FAM227B: variants seen among roughly 807,000 people sequenced by gnomAD.
FAM227B encodes the protein protein FAM227B.
FAM227B carries 88 observed loss-of-function variants against 73.8 expected under a neutral mutation model. The ratio of observed to expected loss-of-function variants is 1.19; its 90% CI spans 1.00 to 1.42. FAM227B has a LOEUF of 1.42. FAM227B is among the 40% of genes most tolerant of loss of function. FAM227B has a pLI of 0.00. For synonymous variants in FAM227B, 210 were observed against 190.5 expected (o/e 1.10, Z -0.84); for missense variants, 632 against 590.9 (o/e 1.07, Z -0.72).
At chr15:49,414,079 T>C (rs978521755) in intron 11 of FAM227B, among the ~76,000 whole-genome samples, 3 of 152,066 alleles carry the variant, frequency 2.0e-5, no homozygotes, top group African/African-American at 7.2e-5. Flanking sequence ...AAGCTCTAAG[T>C]CAGGGACCTT....
intron 10 of FAM227B, among the ~76,000 whole-genome samples, chr15:49,524,245 C>T (rs4375606): frequency 0.9 from 137,046 of 152,154 alleles, 62,832 homozygotes; most frequent in East Asian, 0.99. Flanking sequence ...CAGCTGGGCC[C>T]AGGGCTCCCT....
intron 3 of FAM227B, among the ~76,000 whole-genome samples, chr15:49,608,646 T>G (rs1218665688): frequency 6.6e-6 from 1 of 152,020 alleles, no homozygotes; most frequent in African/African-American, 2.4e-5. Flanking sequence ...ATCAGGCTAT[T>G]CCCTCAAAAA....
At chr15:49,524,365 C>T (rs539697497) in intron 10 of FAM227B, among the ~76,000 whole-genome samples, 30 of 152,220 alleles carry the variant, frequency 2.0e-4, no homozygotes, top group African/African-American at 7.2e-4. Flanking sequence ...CCTTGGCAGC[C>T]TCCATGTGGT....
chr15:49,450,524 G>T (rs1391825102), intron 11 of FAM227B, among the ~76,000 whole-genome samples: 3 of 152,056 alleles, frequency 2.0e-5, no homozygotes, highest in African/African-American at 7.2e-5. Context: ...AGCTCAATGT[G>T]TAAACTTTCT....
In FAM227B at chr15:49,574,996, T is replaced by A; in HGVS notation, c.645+15A>T. The A allele has an allele frequency of 6.8e-7, 1 of 1,467,168 alleles. No individual in the cohort carries two copies. The highest frequency in any genetic ancestry group is 9.3e-7 in the Non-Finnish European group (1 of 1,078,272). 90.9% of individuals were successfully genotyped at this position (1,467,168 alleles called of 1,614,324 possible). A position where few individuals can be genotyped will look rare whatever the true frequency, so the allele number is the denominator to read the frequency against. On this transcript the variant is annotated intron_variant, in intron 8 of 15. Coordinates refer to ENST00000299338, the MANE Select transcript of FAM227B (RefSeq NM_152647.3). The stretch of plus-strand genomic sequence containing the variant: ...AAAATCAACTTAAAAAATAAATTTT[T>A]AAAAATCACTATACCCTAAATTTAT...
At position 49,408,855 on chromosome 15, in the gene FAM227B, T is replaced by TTTCTG. The variant is rs2048693373; in HGVS notation, c.1013-37457_1013-37456insCAGAA. Among the ~76,000 whole-genome samples, 4 of 149,082 alleles carry TTTCTG rather than the reference T, an allele frequency of 2.7e-5. No individual in the cohort carries two copies. The South Asian group carries it at 8.5e-4, about 32-fold the overall frequency. On this transcript the variant is annotated intron_variant, in intron 11 of 15. Coordinates refer to ENST00000299338, the MANE Select transcript of FAM227B (RefSeq NM_152647.3). Reference sequence around the variant, plus strand: ...GTGGTTTTTTCTGGGGGTGGAGGGGTGGGGTTATATCACCATGGCATTTAC... The same window carrying TTTCTG: ...GTGGTTTTTTCTGGGGGTGGAGGGGTTTCTGGGGGTTATATCACCATGGCATTTAC...
intron 9 of FAM227B, among the ~76,000 whole-genome samples, chr15:49,558,869 C>A (rs751909348): frequency 1.2e-4 from 18 of 152,146 alleles, no homozygotes; most frequent in Non-Finnish European, 2.4e-4. Context: ...GTCAGGCTGA[C>A]CTAACCAGTC....
rs1341113690 is a variant in FAM227B, at chr15:49,401,617, A to G, written c.1013-30218T>C. Among the ~76,000 whole-genome samples the G allele has an allele frequency of 4.2e-3, 542 of 129,576 alleles. 14 individuals carry two copies. Among genetic ancestry groups the G allele is most frequent in the Admixed American group, 6.7e-3 (84 of 12,452 alleles). 85.0% of individuals were successfully genotyped at this position (129,576 alleles called of 152,430 possible). ...GAACCAAGCCAAATGTCCAACAATG[A>G]TAGACTGGATTAAGAAAATGTGGCA... On this transcript the variant is annotated intron_variant, in intron 11 of 15. Coordinates refer to ENST00000299338, the MANE Select transcript of FAM227B (RefSeq NM_152647.3).
intron 11 of FAM227B, among the ~76,000 whole-genome samples, chr15:49,410,724 T>C (rs2048815625): frequency 6.6e-6 from 1 of 152,118 alleles, no homozygotes; most frequent in Non-Finnish European, 1.5e-5. Flanking sequence ...TCTTTTAAAG[T>C]TACTGGATAA....
At chr15:49,351,289 G>T (rs1224829483) in intron 13 of FAM227B, among the ~76,000 whole-genome samples, 1 of 152,152 alleles carries the variant, frequency 6.6e-6, no homozygotes, top group African/African-American at 2.4e-5. Flanking sequence ...GGAATTGTTA[G>T]TTTAATTCAG....
rs184105482 is a variant in FAM227B at position 49,499,202 on chromosome 15, C to T, written c.1012+9009G>A. ...AAAAAAAAAAAAAAGAAGGGCATTA[C>T]ATAATGATAAAGTATTCAATACAAC... On this transcript the variant is annotated intron_variant, in intron 11 of 15. Transcript: ENST00000299338. Among the ~76,000 whole-genome samples the T allele has an allele frequency of 2.8e-3, 396 of 142,268 alleles. 4 individuals carry two copies. The highest frequency in any genetic ancestry group is 0.028 in the South Asian group (121 of 4,384). The allele number at this position is 142,268 out of a possible 152,430, so 93.3% of individuals were successfully genotyped here.
At chr15:49,574,523 C>T (rs998295848) in intron 8 of FAM227B, among the ~76,000 whole-genome samples, 2 of 152,150 alleles carry the variant, frequency 1.3e-5, no homozygotes, top group Non-Finnish European at 2.9e-5. Context: ...GCCTGCTTCC[C>T]TTTTGCCTTC....
At chr15:49,616,688 G>A (rs1025665296) in intron 1 of FAM227B, among the ~76,000 whole-genome samples, 23 of 152,124 alleles carry the variant, frequency 1.5e-4, no homozygotes, top group African/African-American at 5.3e-4. Flanking sequence ...TTCTATTACA[G>A]CATCCTAGGT....
At chr15:49,446,214 A>G (rs574783255) in intron 11 of FAM227B, among the ~76,000 whole-genome samples, 10 of 151,736 alleles carry the variant, frequency 6.6e-5, no homozygotes, top group African/African-American at 2.4e-4. Flanking sequence ...TTTTAAGTTA[A>G]GAGCCACTCA....
chr15:49,374,410 G>A (rs2046026730), intron 11 of FAM227B, among the ~76,000 whole-genome samples: 1 of 152,158 alleles, frequency 6.6e-6, no homozygotes, highest in African/African-American at 2.4e-5. Context: ...GGAGAGAGGG[G>A]TAGAAAAGAA....
chr15:49,358,960 CAA>C (rs1386018483), intron 13 of FAM227B, among the ~76,000 whole-genome samples: 4 of 148,630 alleles, frequency 2.7e-5, no homozygotes, highest in Non-Finnish European at 4.5e-5. Flanking sequence ...TGATCTTTGA[CAA>C]ACCTGAGAAA....
intron 11 of FAM227B, chr15:49,424,280 C>T: frequency 6.3e-7 from 1 of 1,599,942 alleles, no homozygotes. Context: ...TCATGAACAC[C>T]CGGAGCACTA....
intron 3 of FAM227B, among the ~76,000 whole-genome samples, chr15:49,591,379 C>T (rs1279590017): frequency 5.4e-5 from 6 of 110,922 alleles, no homozygotes; most frequent in African/African-American, 1.9e-4. Context: ...CTCCCTCCCT[C>T]CCTTCCCTCC....
intron 11 of FAM227B, among the ~76,000 whole-genome samples, chr15:49,439,715 T>C (rs2051453798): frequency 6.6e-6 from 1 of 151,800 alleles, no homozygotes. Flanking sequence ...AACGTGGCTC[T>C]CTTCTCTTAC....
Sources: gnomAD v4.1 joint callset for allele counts (sites outside exome capture counted in the v4.1 genomes callset) on GRCh38, gnomAD v4.1.1 for gene constraint, MANE v1.5 for transcripts, NCBI Gene and HGNC (gene_info 2026-07-23, HGNC 2026-07-21) for gene names.